Variants in PCDHGB6 observed in about 807,000 individuals in gnomAD.
PCDHGB6 encodes the protein protocadherin gamma subfamily B, 6.
PCDHGB6 carries 51 observed loss-of-function variants against 59.1 expected under a neutral mutation model. The observed-to-expected ratio is 0.86, with a 90% CI of 0.69 to 1.09. The LOEUF (loss-of-function observed/expected upper bound fraction) is 1.09. Among genes scored for constraint, PCDHGB6 ranks in the 50% least tolerant of loss-of-function variants. The pLI is 0.00. For missense variants in PCDHGB6, 1,148 were observed against 1,205.1 expected (o/e 0.95, Z 0.70); for synonymous variants, 466 against 495.1 (o/e 0.94, Z 0.78).
Position 141,485,302 on chromosome 5 carries a change from T to C in PCDHGB6, c.2419-9505T>C. 1.2e-6 allele frequency: 2 copies of C among 1,614,152 alleles called. No homozygotes were observed. Among genetic ancestry groups the C allele is most frequent in the South Asian group, 2.2e-5 (2 of 91,078 alleles). On this transcript the variant is annotated intron_variant, in intron 1 of 3. Coordinates refer to ENST00000520790, the MANE Select transcript of PCDHGB6 (RefSeq NM_018926.3). This position sits in a 1 kb window ranked among gnomAD's most constrained non-coding sequence, Gnocchi z 5.7. ...TCCCAGAGGAGTCACAGGAAGGGAC[T>C]TTTGTAGGGAATGTCGCTCAAGATT... is the stretch of plus-strand genomic sequence containing the variant.
At position 141,487,780 on chromosome 5, in the gene PCDHGB6, C is replaced by T. The variant is rs1423149; in HGVS notation, c.2419-7027C>T. On this transcript the variant is annotated intron_variant, in intron 1 of 3. Transcript: ENST00000520790. The surrounding 1 kb of genome is among the most constrained non-coding windows in gnomAD (Gnocchi z 5.0). ...TAGACGCTGTGCTTTGTAACTGTTT[C>T]GTGAATTAACCAGAGTTGTCACAGT... 0.06 allele frequency: 91,434 copies of T among 1,526,176 alleles called. 5,728 individuals carry two copies. Among genetic ancestry groups the T allele is most frequent in the African/African-American group, 0.33 (23,789 of 72,466 alleles). The allele number at this position is 1,526,176 out of a possible 1,614,324, so 94.5% of individuals were successfully genotyped here. A position where few individuals can be genotyped will look rare whatever the true frequency, so the allele number is the denominator to read the frequency against.
At position 141,485,831 on chromosome 5, in the gene PCDHGB6, C is replaced by A; in HGVS notation, c.2419-8976C>A. The A allele has an allele frequency of 6.2e-7, 1 of 1,614,080 alleles. No individual in the cohort carries two copies. Among genetic ancestry groups the A allele is most frequent in the Non-Finnish European group, 8.5e-7 (1 of 1,180,026 alleles). ...GCTGACTGCTGTCGATGGAGGGAAC[C>A]CGCCGAGATCTGGCACCGCAGAGCT... On this transcript the variant is annotated intron_variant, in intron 1 of 3. Coordinates refer to ENST00000520790, the MANE Select transcript of PCDHGB6 (RefSeq NM_018926.3). The surrounding 1 kb of genome is among the most constrained non-coding windows in gnomAD (Gnocchi z 5.7).
chr5:141,414,306 T>A lies in PCDHGB6; in HGVS notation c.2418+3686T>A, dbSNP rs778408885. The A allele has an allele frequency of 6.2e-6, 10 of 1,613,584 alleles. No homozygotes were observed. The Admixed American group carries it at 1.2e-4, about 19-fold the overall frequency. Reference sequence around the variant, plus strand: ...TCGTAGCCCTTTTAAATGTGCATGATTTAGACTCTGAGCAGAATGGACAGG... The same window carrying A: ...TCGTAGCCCTTTTAAATGTGCATGAATTAGACTCTGAGCAGAATGGACAGG... On this transcript the variant is annotated intron_variant, in intron 1 of 3. Coordinates refer to ENST00000520790, the MANE Select transcript of PCDHGB6 (RefSeq NM_018926.3).
chr5:141,419,465 G>T, intron 1 of PCDHGB6: 2 of 1,612,542 alleles, frequency 1.2e-6, no homozygotes, highest in Non-Finnish European at 1.7e-6. Context: ...GCAGGCCCGC[G>T]ACCAGGGCTC....
chr5:141,428,459 A>G (rs1322945046), intron 1 of PCDHGB6: 2 of 350,154 alleles, frequency 5.7e-6, no homozygotes, highest in Non-Finnish European at 1.1e-5. Flanking sequence ...CCCAACTACA[A>G]TGAGGGAACT....
At position 141,410,140 on chromosome 5, in the gene PCDHGB6, G is replaced by GCGTGA; in HGVS notation, c.1941_1945dup (p.Gly649ValfsTer52). 1 of 1,612,782 alleles carries GCGTGA rather than the reference G, an allele frequency of 6.2e-7. No homozygotes were observed. Among genetic ancestry groups the GCGTGA allele is most frequent in the Non-Finnish European group, 8.5e-7 (1 of 1,179,626 alleles). On this transcript the variant is annotated frameshift_variant, in exon 1 of 4. Coordinates refer to ENST00000520790, the MANE Select transcript of PCDHGB6 (RefSeq NM_018926.3). LOFTEE classifies it high-confidence loss of function. ...CCCGCCAGCGCCTGCTGGTCGCTGT[G>GCGTGA]CGTGACGGTGGACAGCCGCCACTCT...
In PCDHGB6 at chr5:141,487,605, A is replaced by G. The variant is rs202066746; in HGVS notation, c.2419-7202A>G. Reference sequence around the variant, plus strand: ...AGCTGCCCACCCTCTGATCTTCTCTATGGGCTAGAGGTGAGACCTTTGCAG... The same window carrying G: ...AGCTGCCCACCCTCTGATCTTCTCTGTGGGCTAGAGGTGAGACCTTTGCAG... On this transcript the variant is annotated intron_variant, in intron 1 of 3. Transcript: ENST00000520790. The surrounding 1 kb of genome is among the most constrained non-coding windows in gnomAD (Gnocchi z 5.0). 8.7e-6 allele frequency: 14 copies of G among 1,614,008 alleles called. No individual in the cohort carries two copies. In the South Asian group the frequency reaches 8.8e-5, roughly 10 times the overall value.
rs759587995 is a variant in PCDHGB6, at chr5:141,491,802, G to T, written c.2419-3005G>T. On this transcript the variant is annotated intron_variant, in intron 1 of 3. Coordinates refer to ENST00000520790, the MANE Select transcript of PCDHGB6 (RefSeq NM_018926.3). The surrounding 1 kb of genome is among the most constrained non-coding windows in gnomAD (Gnocchi z 6.9). ...ACTTGCATCCACTCCTCTCCGGCCGGCTTGGTCGCTGGCTGCGCTCCACCC... is the reference window on the plus strand; with the variant it reads ...ACTTGCATCCACTCCTCTCCGGCCGTCTTGGTCGCTGGCTGCGCTCCACCC... 1 of 1,497,480 alleles carries T rather than the reference G, an allele frequency of 6.7e-7. No individual in the cohort carries two copies. Among genetic ancestry groups the T allele is most frequent in the East Asian group, 2.5e-5 (1 of 40,518 alleles). The allele number at this position is 1,497,480 out of a possible 1,614,324, so 92.8% of individuals were successfully genotyped here. A position where few individuals can be genotyped will look rare whatever the true frequency, so the allele number is the denominator to read the frequency against.
In PCDHGB6 at chr5:141,477,718, A is replaced by G; in HGVS notation, c.2419-17089A>G. 6.2e-7 allele frequency: 1 copy of G among 1,613,928 alleles called. No homozygotes were observed. The highest frequency in any genetic ancestry group is 8.5e-7 in the Non-Finnish European group (1 of 1,180,034). On this transcript the variant is annotated intron_variant, in intron 1 of 3. Coordinates refer to ENST00000520790, the MANE Select transcript of PCDHGB6 (RefSeq NM_018926.3). The surrounding 1 kb of genome is among the most constrained non-coding windows in gnomAD (Gnocchi z 4.9). ...ACTATGAGGATCGGCGGGAATTTGA[A>G]TTAACAGCTCATATCAGCGATGGGG...
chr5:141,478,589 T>C, intron 1 of PCDHGB6: 2 of 1,573,336 alleles, frequency 1.3e-6, no homozygotes, highest in Non-Finnish European at 1.7e-6. Context: ...AGTGCTTTTT[T>C]ATTCCTACAT....
chr5:141,501,311 AC>A (rs2099807696), intron 2 of PCDHGB6, among the ~76,000 whole-genome samples: 1 of 151,670 alleles, frequency 6.6e-6, no homozygotes, highest in Non-Finnish European at 1.5e-5. Context: ...ACACACACAC[AC>A]ACACACACAC....
At position 141,477,592 on chromosome 5, in the gene PCDHGB6, T is replaced by G; in HGVS notation, c.2419-17215T>G. On this transcript the variant is annotated intron_variant, in intron 1 of 3. Coordinates refer to ENST00000520790, the MANE Select transcript of PCDHGB6 (RefSeq NM_018926.3). The surrounding 1 kb of genome is among the most constrained non-coding windows in gnomAD (Gnocchi z 4.9). ...CCGACGCCCCGCAGAATGCTCGGCT[T>G]TCTTTCTTTCTCTTGGAGCAAGGAG... The G allele has an allele frequency of 6.2e-7, 1 of 1,614,142 alleles. No homozygotes were observed. Among genetic ancestry groups the G allele is most frequent in the Non-Finnish European group, 8.5e-7 (1 of 1,180,014 alleles).
At chr5:141,428,122 G>T in intron 1 of PCDHGB6, 1 of 1,606,172 alleles carries the variant, frequency 6.2e-7, no homozygotes, top group Non-Finnish European at 8.5e-7. Flanking sequence ...ATCGAGCCCG[G>T]GCTTTTCAGC....
chr5:141,487,004 C>G lies in PCDHGB6; in HGVS notation c.2419-7803C>G. 1 of 1,614,224 alleles carries G rather than the reference C, an allele frequency of 6.2e-7. No homozygotes were observed. The highest frequency in any genetic ancestry group is 1.1e-5 in the South Asian group (1 of 91,086). On this transcript the variant is annotated intron_variant, in intron 1 of 3. Transcript: ENST00000520790. This position sits in a 1 kb window ranked among gnomAD's most constrained non-coding sequence, Gnocchi z 5.0. ...CAATGCTTGGGTTTCCTATCAGCTC[C>G]TGGAGGCCCCAGATCCCAGCCTGTT...
intron 1 of PCDHGB6, chr5:141,427,102 C>T (rs1363595185): frequency 6.6e-6 from 3 of 457,858 alleles, no homozygotes; most frequent in South Asian, 3.1e-5. Flanking sequence ...GGTGTCAATG[C>T]GGAGATCACC....
At chr5:141,482,673 G>A (rs1278135239) in intron 1 of PCDHGB6, among the ~76,000 whole-genome samples, 1 of 152,156 alleles carries the variant, frequency 6.6e-6, no homozygotes, top group Non-Finnish European at 1.5e-5. Context: ...TAAAGGTTGA[G>A]TAGTAGCTTG....
In PCDHGB6 at chr5:141,486,828, G is replaced by T. The variant is rs140257646; in HGVS notation, c.2419-7979G>T. ...CCCCTTAGCAGCACTGTAACAGTTC[G>T]TCTATTTGTGCTGGACCTCAATGAC... On this transcript the variant is annotated intron_variant, in intron 1 of 3. Coordinates refer to ENST00000520790, the MANE Select transcript of PCDHGB6 (RefSeq NM_018926.3). This position sits in a 1 kb window ranked among gnomAD's most constrained non-coding sequence, Gnocchi z 5.0. The T allele has an allele frequency of 8.7e-6, 14 of 1,614,218 alleles. No homozygotes were observed. The highest frequency in any genetic ancestry group is 1.2e-5 in the Non-Finnish European group (14 of 1,180,042).
chr5:141,433,406 T>TC (rs397794347), intron 1 of PCDHGB6, among the ~76,000 whole-genome samples: 446 of 150,100 alleles, frequency 3.0e-3, no homozygotes, highest in African/African-American at 0.01. Context: ...TATCTATCTA[T>TC]TACTTTCTTG....
chr5:141,414,519 T>C (rs754685087), intron 1 of PCDHGB6: 6 of 1,613,856 alleles, frequency 3.7e-6, no homozygotes, highest in Non-Finnish European at 5.1e-6. Context: ...AAGTGGCAGA[T>C]ATCAATGACA....
Sources: allele counts gnomAD v4.1 joint callset (sites outside exome capture counted in the v4.1 genomes callset), GRCh38; gene constraint gnomAD v4.1.1; non-coding constraint Gnocchi (gnomAD v3.1); transcripts MANE v1.5; gene names NCBI Gene and HGNC (gene_info 2026-07-23, HGNC 2026-07-21).